KLHDC4: variants seen among roughly 807,000 people sequenced by gnomAD.
KLHDC4 encodes the protein kelch domain containing 4.
Under a neutral mutation model 62.4 loss-of-function variants are expected in KLHDC4, and 90 were observed. The ratio of observed to expected loss-of-function variants is 1.44; its 90% CI spans 1.22 to 1.72. The LOEUF is 1.72. KLHDC4 is among the 40% of genes most tolerant of loss of function. KLHDC4 has a pLI of 0.00. For missense variants in KLHDC4, 1,025 were observed against 699.7 expected (o/e 1.47, Z -5.25); for synonymous variants, 386 against 284.4 (o/e 1.36, Z -3.59).
In KLHDC4 at chr16:87,714,590, T is replaced by A. The variant is rs539770876; in HGVS notation, c.760-17A>T. 2 of 1,613,998 alleles carry A rather than the reference T, an allele frequency of 1.2e-6. No individual in the cohort carries two copies. Among genetic ancestry groups the A allele is most frequent in the South Asian group, 2.2e-5 (2 of 91,084 alleles). On this transcript the variant is annotated splice_polypyrimidine_tract_variant and intron_variant, in intron 7 of 11. Coordinates refer to ENST00000270583, the MANE Select transcript of KLHDC4 (RefSeq NM_017566.4). ...CTTAACTCTCTGCAATGGAAAGGAATTGTGTGAGAACCGGGGGCAGCTACA... is the reference window on the plus strand; with the variant it reads ...CTTAACTCTCTGCAATGGAAAGGAAATGTGTGAGAACCGGGGGCAGCTACA...
chr16:87,751,997 C>T (rs1016735829), intron 4 of KLHDC4, among the ~76,000 whole-genome samples: 1 of 139,760 alleles, frequency 7.2e-6, no homozygotes, highest in African/African-American at 2.8e-5. Context: ...ATGGCATGAA[C>T]CCGGGAGGCA....
exon 1 of KLHDC4, chr16:87,700,202 T>C (rs1005833503): frequency 6.5e-6 from 1 of 153,776 alleles, no homozygotes; most frequent in African/African-American, 2.4e-5. Context: ...ATGCTCACTT[T>C]CTCTGACTCT....
intron 4 of KLHDC4, 135 bp from the exon 5 acceptor site, chr16:87,748,944 T>A: frequency 1.0e-6 from 1 of 957,920 alleles, no homozygotes; most frequent in Non-Finnish European, 1.5e-6. Context: ...ACTCAGCCAC[T>A]TTCCTCTCCT....
At chr16:87,738,821 T>C (rs2041802054) in intron 5 of KLHDC4, among the ~76,000 whole-genome samples, 1 of 106,226 alleles carries the variant, frequency 9.4e-6, no homozygotes, top group Non-Finnish European at 1.9e-5. Context: ...CAGCACCTCA[T>C]CCACCCACAC....
intron 1 of KLHDC4, among the ~76,000 whole-genome samples, chr16:87,765,578 C>A (rs1035216327): frequency 1.2e-4 from 18 of 152,248 alleles, no homozygotes; most frequent in Middle Eastern, 3.4e-3. Context: ...GGGGCAGCTC[C>A]GAGAAGCGGA....
In KLHDC4 at chr16:87,711,390, A is replaced by G; in HGVS notation, c.889T>C (p.Ser297Pro). 1 of 1,613,472 alleles carries G rather than the reference A, an allele frequency of 6.2e-7. No homozygotes were observed. The highest frequency in any genetic ancestry group is 1.3e-5 in the African/African-American group (1 of 74,978). ...GGGGCCATGGCCACGGAAAAGCCAG[A>G]CCGTGGGGTGGGCTTGACCCCCGAA... ...NPSGVKPTPR[S>P]GFSVAMAPNH... The change falls in exon 9 of 12, where the codon TCT becomes CCT. Residue 297 changes from serine (S) to proline (P), a missense_variant. Ser to Pro is a moderately conservative substitution (Grantham distance 74). Transcript: ENST00000270583.
intron 2 of KLHDC4, 143 bp from the exon 3 acceptor site, chr16:87,756,620 A>C: frequency 1.6e-6 from 1 of 617,652 alleles, no homozygotes; most frequent in South Asian, 2.0e-5. Flanking sequence ...CGAGAAAGGA[A>C]GCAAAGGTGC....
chr16:87,708,237 C>G (rs1046568525), intron 11 of KLHDC4, 113 bp downstream of exon 11: 43 of 728,900 alleles, frequency 5.9e-5, no homozygotes, highest in Non-Finnish European at 9.4e-5. Flanking sequence ...ACTCCACACA[C>G]CAACGTTTTT....
chr16:87,746,992 A>G (rs757477730), intron 5 of KLHDC4, among the ~76,000 whole-genome samples: 3 of 152,232 alleles, frequency 2.0e-5, no homozygotes, highest in Non-Finnish European at 4.4e-5. Flanking sequence ...CACACGAGGT[A>G]GGGGCTGCCA....
chr16:87,701,948 C>T (rs906777916), exon 1 of KLHDC4: 1 of 456,196 alleles, frequency 2.2e-6, no homozygotes, highest in African/African-American at 2.0e-5. Context: ...GTAGATGGGG[C>T]TCTGCTCTGT....
chr16:87,698,658 G>C (rs2034003847), exon 1 of KLHDC4: 1 of 152,270 alleles, frequency 6.6e-6, no homozygotes, highest in African/African-American at 2.4e-5. Flanking sequence ...AATTCCAGGA[G>C]GATTCAACCA....
downstream of KLHDC4, among the ~76,000 whole-genome samples, chr16:87,705,801 G>A (rs906512166): frequency 8.5e-5 from 13 of 152,208 alleles, no homozygotes; most frequent in African/African-American, 1.9e-4. Context: ...GGGCGGGGGC[G>A]GGGGCGGGGG....
intron 5 of KLHDC4, among the ~76,000 whole-genome samples, chr16:87,746,367 G>C (rs1425039618): frequency 3.3e-5 from 5 of 151,928 alleles, no homozygotes; most frequent in Non-Finnish European, 7.4e-5. Context: ...GAAAGAGAGA[G>C]AGAGCGAGAA....
intron 1 of KLHDC4, among the ~76,000 whole-genome samples, chr16:87,762,959 C>T (rs1272308539): frequency 1.3e-5 from 2 of 152,160 alleles, no homozygotes; most frequent in East Asian, 3.9e-4. Flanking sequence ...CACCAGCGTC[C>T]TCTCCGTTCC....
At chr16:87,721,561 G>A (rs2038355325) in intron 7 of KLHDC4, among the ~76,000 whole-genome samples, 1 of 152,088 alleles carries the variant, frequency 6.6e-6, no homozygotes, top group African/African-American at 2.4e-5. Flanking sequence ...TGACCTGGGA[G>A]AGCTGGGCAC....
At chr16:87,722,958 GGA>G (rs112663196) in intron 7 of KLHDC4, among the ~76,000 whole-genome samples, 80 of 152,348 alleles carry the variant, frequency 5.3e-4, no homozygotes, top group African/African-American at 1.8e-3. Context: ...GGCCTGCGTG[GGA>G]GAGAGGCGTG....
chr16:87,748,385 C>T (rs554095691), intron 5 of KLHDC4, among the ~76,000 whole-genome samples: 16 of 152,218 alleles, frequency 1.1e-4, no homozygotes, highest in Non-Finnish European at 1.6e-4. Context: ...AAACAGAAGA[C>T]CACAGGAGAA....
In KLHDC4 at chr16:87,709,608, A is replaced by C. The variant is rs774535181; in HGVS notation, c.1104T>G (p.Gly368=). Residue 368 remains glycine, a synonymous_variant, in exon 10 of 12, where the codon GGT becomes GGG. Coordinates refer to ENST00000270583, the MANE Select transcript of KLHDC4 (RefSeq NM_017566.4). ...CAGCTCCCCCACACGCCGGCCTGCTACCACCTTCGGGCTCCTCTTTTCTGC... is the reference window on the plus strand; with the variant it reads ...CAGCTCCCCCACACGCCGGCCTGCTCCCACCTTCGGGCTCCTCTTTTCTGC... ...RRGRKEEPEG[G]SRPACGGAGT... The C allele has an allele frequency of 6.2e-7, 1 of 1,610,768 alleles. No homozygotes were observed. The highest frequency in any genetic ancestry group is 1.1e-5 in the South Asian group (1 of 90,768).
In KLHDC4 at chr16:87,707,873, C is replaced by G; in HGVS notation, c.*204G>C. The G allele has an allele frequency of 2.2e-6, 1 of 446,434 alleles. No homozygotes were observed. The highest frequency in any genetic ancestry group is 1.6e-5 in the South Asian group (1 of 63,394). 27.7% of individuals were successfully genotyped at this position (446,434 alleles called of 1,614,324 possible). A position where few individuals can be genotyped will look rare whatever the true frequency, so the allele number is the denominator to read the frequency against. ...AGGCTGCTGAGGGAATCCACCTGCACTGCACTCAGTTGAACTTCCGGCCCA... is the reference window on the plus strand; with the variant it reads ...AGGCTGCTGAGGGAATCCACCTGCAGTGCACTCAGTTGAACTTCCGGCCCA... On this transcript the variant is annotated 3_prime_UTR_variant, in exon 12 of 12. Coordinates refer to ENST00000270583, the MANE Select transcript of KLHDC4 (RefSeq NM_017566.4).
Sources: allele counts gnomAD v4.1 joint callset (sites outside exome capture counted in the v4.1 genomes callset), GRCh38; gene constraint gnomAD v4.1.1; transcripts MANE v1.5; gene names NCBI Gene and HGNC (gene_info 2026-07-23, HGNC 2026-07-21).